Variants in MTMR9 observed in about 807,000 individuals in gnomAD.
The protein encoded by MTMR9 is myotubularin related protein 9, also known as myotubularin-related protein 9.
A neutral mutation model predicts 69.5 loss-of-function variants in MTMR9; 39 were observed. That is an observed-to-expected ratio of 0.56 (90% confidence interval 0.43 to 0.73). MTMR9 has a LOEUF of 0.73. MTMR9 is among the 30% of genes least tolerant of loss of function. The pLI is 0.00. For synonymous variants in MTMR9, 354 were observed against 240.8 expected (o/e 1.47, Z -4.35); for missense variants, 900 against 671.2 (o/e 1.34, Z -3.77).
intron 7 of MTMR9, chr8:11,316,431 T>C: frequency 2.9e-6 from 1 of 350,264 alleles, no homozygotes; most frequent in Non-Finnish European, 5.1e-6. Context: ...GGCAGTGCAG[T>C]TCCTGTGGTC....
chr8:11,332,982 A>G (rs1285779143), downstream of MTMR9, among the ~76,000 whole-genome samples: 2 of 152,256 alleles, frequency 1.3e-5, no homozygotes, highest in South Asian at 2.1e-4. Flanking sequence ...TCTGAGGAGC[A>G]TAAAGAAAAA....
chr8:11,321,565 A>G (rs3808503), intron 9 of MTMR9: 1 of 453,022 alleles, frequency 2.2e-6, no homozygotes, highest in Non-Finnish European at 4.5e-6. Context: ...GCCATGCCGG[A>G]GTTTCAGTGT....
At position 11,319,932 on chromosome 8, in the gene MTMR9, G is replaced by C. The variant is rs1003582686; in HGVS notation, c.1486+94G>C. On this transcript the variant is annotated intron_variant, in intron 9 of 9. Coordinates refer to ENST00000221086, the MANE Select transcript of MTMR9 (RefSeq NM_015458.4). ...TGTTGGTGATGTATGAAGATGGTGA[G>C]CTGGACGTGGCCCTCAGACCTGTGT... 8.0e-5 allele frequency: 105 copies of C among 1,311,496 alleles called. 1 individual carries two copies. In the African/African-American group the frequency reaches 1.4e-3, roughly 17 times the overall value. 81.2% of individuals were successfully genotyped at this position (1,311,496 alleles called of 1,614,324 possible). A position where few individuals can be genotyped will look rare whatever the true frequency, so the allele number is the denominator to read the frequency against.
rs1450678482 is a variant in MTMR9, at chr8:11,326,967, C to G, written c.*4179C>G. ...CCTGGGCGAAAGGGCAAGACTCCAT[C>G]TCAAAAAAAAAAAAAAAAAAAGACT... is the stretch of plus-strand genomic sequence containing the variant. On this transcript the variant is annotated 3_prime_UTR_variant, in exon 10 of 10. Transcript: ENST00000221086. 1 of 87,176 alleles carries G rather than the reference C, an allele frequency of 1.1e-5. No individual in the cohort carries two copies. Among genetic ancestry groups the G allele is most frequent in the Non-Finnish European group, 2.3e-5 (1 of 43,772 alleles). 5.4% of individuals were successfully genotyped at this position (87,176 alleles called of 1,614,324 possible).
At chr8:11,316,503 C>T (rs982817403) in intron 7 of MTMR9, 170 bp from the exon 8 acceptor site, 6 of 447,446 alleles carry the variant, frequency 1.3e-5, no homozygotes, top group African/African-American at 2.0e-5. Context: ...TAGTTGCTGC[C>T]GCTATTTATT....
At chr8:11,285,289 G>T (rs540337899) in intron 1 of MTMR9, 1 of 497,850 alleles carries the variant, frequency 2.0e-6, no homozygotes, top group Non-Finnish European at 3.6e-6. Flanking sequence ...TTATCGTGTG[G>T]CTGGTACCAT....
chr8:11,286,214 A>G (rs1195210009), intron 1 of MTMR9, among the ~76,000 whole-genome samples: 1 of 151,468 alleles, frequency 6.6e-6, no homozygotes, highest in Non-Finnish European at 1.5e-5. Flanking sequence ...GGCCTCCCAC[A>G]GTTCTGGGAT....
At chr8:11,315,556 C>G (rs1352895830) in intron 7 of MTMR9, among the ~76,000 whole-genome samples, 1 of 152,234 alleles carries the variant, frequency 6.6e-6, no homozygotes, top group Non-Finnish European at 1.5e-5. Context: ...ATATCCTCCA[C>G]AGAGATTACT....
chr8:11,298,825 A>G (rs1317872877), intron 2 of MTMR9: 1 of 978,786 alleles, frequency 1.0e-6, no homozygotes, highest in African/African-American at 1.8e-5. Context: ...TGTTCCTCCC[A>G]TCTACTCAGG....
chr8:11,332,720 G>T (rs1053952000), downstream of MTMR9, among the ~76,000 whole-genome samples: 1 of 151,934 alleles, frequency 6.6e-6, no homozygotes, highest in African/African-American at 2.4e-5. Flanking sequence ...TCCTACATCA[G>T]CCTCCCAAGT....
chr8:11,318,340 T>C (rs1339294314), intron 8 of MTMR9: 1 of 152,268 alleles, frequency 6.6e-6, no homozygotes, highest in Non-Finnish European at 1.5e-5. Flanking sequence ...GTCCTGTCCT[T>C]GTCATCCCTG....
At position 11,322,646 on chromosome 8, in the gene MTMR9, G is replaced by T; in HGVS notation, c.1508G>T (p.Arg503Ile). The T allele has an allele frequency of 6.2e-7, 1 of 1,613,626 alleles. No individual in the cohort carries two copies. Among genetic ancestry groups the T allele is most frequent in the Non-Finnish European group, 8.5e-7 (1 of 1,179,784 alleles). The change falls in exon 10 of 10, where the codon AGA becomes ATA. Residue 503 changes from arginine to isoleucine, a missense_variant. Coordinates refer to ENST00000221086, the MANE Select transcript of MTMR9 (RefSeq NM_015458.4). ...LWEGIFLRWN[R>I]SSKYLDEAYE... ...ATAGGTATTTTCCTACGTTGGAATA[G>T]ATCCTCTAAGTATTTGGATGAAGCA... is the stretch of plus-strand genomic sequence containing the variant.
downstream of MTMR9, among the ~76,000 whole-genome samples, chr8:11,332,553 G>C (rs1375707134): frequency 1.3e-5 from 2 of 151,550 alleles, no homozygotes; most frequent in Non-Finnish European, 2.9e-5. Context: ...CGACAACTGA[G>C]ATGAGAAATT....
At chr8:11,339,285 A>G in the MTMR9 span, among the ~76,000 whole-genome samples, 851 of 152,378 alleles carry the variant, frequency 5.6e-3, 4 homozygotes, top group Non-Finnish European at 9.1e-3. Context: ...AGCCTCTGAC[A>G]ATTGGTATAC....
intron 1 of MTMR9, 94 bp downstream of exon 1, chr8:11,285,164 C>T (rs1360062705): frequency 8.6e-6 from 11 of 1,285,986 alleles, no homozygotes; most frequent in East Asian, 5.2e-5. Flanking sequence ...CGCAGCCTGC[C>T]GCCCAGCTAG....
intron 1 of MTMR9, among the ~76,000 whole-genome samples, chr8:11,293,262 A>T (rs1799429284): frequency 6.6e-6 from 1 of 152,218 alleles, no homozygotes; most frequent in African/African-American, 2.4e-5. Flanking sequence ...TAATTGGAAA[A>T]AGCTTATAGA....
At chr8:11,308,686 T>C (rs1309211895) in intron 5 of MTMR9, among the ~76,000 whole-genome samples, 2 of 152,236 alleles carry the variant, frequency 1.3e-5, no homozygotes, top group Non-Finnish European at 2.9e-5. Flanking sequence ...GTGATATCAG[T>C]TGTAATATCT....
downstream of MTMR9, among the ~76,000 whole-genome samples, chr8:11,333,021 C>T (rs1028019505): frequency 6.6e-6 from 1 of 152,174 alleles, no homozygotes; most frequent in African/African-American, 2.4e-5. Context: ...GACTTCAAGA[C>T]TTGTAGGATA....
At chr8:11,297,914 G>T (rs1799616153) in intron 2 of MTMR9, 1 of 456,086 alleles carries the variant, frequency 2.2e-6, no homozygotes, top group Non-Finnish European at 4.4e-6. Flanking sequence ...CCTCCTGCTA[G>T]CCCTCCACCC....
Sources: gnomAD v4.1 joint callset for allele counts (sites outside exome capture counted in the v4.1 genomes callset) on GRCh38, gnomAD v4.1.1 for gene constraint, MANE v1.5 for transcripts, NCBI Gene and HGNC (gene_info 2026-07-23, HGNC 2026-07-21) for gene names.